IRF8: variants seen among roughly 807,000 people sequenced by gnomAD.
IRF8 encodes the protein interferon consensus sequence binding protein 1.
In IRF8, 14 loss-of-function variants were observed where a neutral mutation model predicts 48.7. The observed-to-expected ratio is 0.29, with a 90% CI of 0.19 to 0.45. The LOEUF is 0.45. Among genes scored for constraint, IRF8 ranks in the 20% least tolerant of loss-of-function variants. The pLI is 1.00. For missense variants in IRF8, 493 were observed against 580.7 expected, an observed-to-expected ratio of 0.85 and a Z score of 1.55; for synonymous variants, 278 against 227.3, an observed-to-expected ratio of 1.22 and a Z score of -2.01.
intron 6 of IRF8, among the ~76,000 whole-genome samples, chr16:85,918,023 G>A (rs1327896216): frequency 6.6e-6 from 1 of 152,198 alleles, no homozygotes; most frequent in Non-Finnish European, 1.5e-5. Context: ...AATGTAGGCA[G>A]CAGACCGCAG....
chr16:85,905,229 G>A (rs11646550), intron 2 of IRF8, among the ~76,000 whole-genome samples: 26,758 of 152,154 alleles, frequency 0.18, 2,697 homozygotes, highest in African/African-American at 0.27. Context: ...ACAGTTGCAG[G>A]TTGGACATCA....
intron 4 of IRF8, among the ~76,000 whole-genome samples, 196 bp downstream of exon 4, chr16:85,911,854 C>A (rs1383698421): frequency 6.6e-6 from 1 of 152,258 alleles, no homozygotes; most frequent in African/African-American, 2.4e-5. Context: ...CTTCTGCCGA[C>A]AGGTCAACCC....
intron 1 of IRF8, chr16:85,900,809 C>G (rs1052148258): frequency 6.6e-6 from 1 of 152,198 alleles, no homozygotes; most frequent in Non-Finnish European, 1.5e-5. Context: ...TGTAAATCAC[C>G]AAGATAGTTG....
intron 1 of IRF8, among the ~76,000 whole-genome samples, chr16:85,900,530 G>C (rs1320512170): frequency 1.3e-5 from 2 of 152,238 alleles, no homozygotes; most frequent in Admixed American, 1.3e-4. Context: ...AGGACACACA[G>C]ACGTGGCTGC....
intron 6 of IRF8, among the ~76,000 whole-genome samples, chr16:85,916,155 G>T (rs371286531): frequency 1.3e-5 from 2 of 152,156 alleles, no homozygotes; most frequent in African/African-American, 2.4e-5. Flanking sequence ...TACCTGTGCC[G>T]AGCACAAATA....
intron 8 of IRF8, 83 bp from the exon 9 acceptor site, chr16:85,921,023 A>G: frequency 7.1e-7 from 1 of 1,406,286 alleles, no homozygotes; most frequent in Admixed American, 2.0e-5. Flanking sequence ...GGGTCATCAG[A>G]GGACCTGGCT....
chr16:85,902,942 A>G (rs1234811255), intron 1 of IRF8, 73 bp from the exon 2 acceptor site: 8 of 1,527,394 alleles, frequency 5.2e-6, no homozygotes, highest in Non-Finnish European at 6.3e-6. Context: ...GTTTCCTGTT[A>G]GCAGTTTTTG....
At chr16:85,902,901 C>T in intron 1 of IRF8, 114 bp from the exon 2 acceptor site, 1 of 1,184,750 alleles carries the variant, frequency 8.4e-7, no homozygotes, top group Non-Finnish European at 1.3e-6. Flanking sequence ...TGGGTTTCCC[C>T]CAAGCCAGCA....
Position 85,903,011 on chromosome 16 carries a change from C to A in IRF8, c.-1-4C>A. 1.2e-6 allele frequency: 2 copies of A among 1,613,992 alleles called. No individual in the cohort carries two copies. Among genetic ancestry groups the A allele is most frequent in the Non-Finnish European group, 1.7e-6 (2 of 1,179,926 alleles). On this transcript the variant is annotated splice_polypyrimidine_tract_variant and splice_region_variant and intron_variant, in intron 1 of 8. Coordinates refer to ENST00000268638, the MANE Select transcript of IRF8 (RefSeq NM_002163.4). ...ATCACAGCGTGTATTTCTGTCTTTC[C>A]AAGGATGTGTGACCGGAATGGTGGT...
At chr16:85,909,244 G>T (rs770902836) in intron 3 of IRF8, 71 bp downstream of exon 3, 2 of 1,314,766 alleles carry the variant, frequency 1.5e-6, no homozygotes, top group South Asian at 1.2e-5. Flanking sequence ...ACAGAACTTG[G>T]GTCTGGGGTA....
At chr16:85,904,923 A>T (rs1341532561) in intron 2 of IRF8, among the ~76,000 whole-genome samples, 1 of 146,814 alleles carries the variant, frequency 6.8e-6, no homozygotes, top group Non-Finnish European at 1.5e-5. Flanking sequence ...ACTCTGCATT[A>T]TAGATAACCC....
chr16:85,910,547 C>T (rs1905113310), intron 3 of IRF8, among the ~76,000 whole-genome samples: 1 of 152,174 alleles, frequency 6.6e-6, no homozygotes, highest in African/African-American at 2.4e-5. Flanking sequence ...CTTTTGGCCC[C>T]TACTGCCACC....
chr16:85,911,601 G>T lies in IRF8; in HGVS notation c.390G>T (p.Val130=). 6.2e-7 allele frequency: 1 copy of T among 1,614,130 alleles called. No individual in the cohort carries two copies. Among genetic ancestry groups the T allele is most frequent in the South Asian group, 1.1e-5 (1 of 91,050 alleles). ...CKLGVATAGC[V]NEVTEMECGR... ...TAGGCGTGGCAACTGCTGGCTGCGT[G>T]AATGAAGTTACAGAGATGGAGTGCG... The change falls in exon 4 of 9, where the codon GTG becomes GTT. Residue 130 remains valine, a synonymous_variant. Coordinates refer to ENST00000268638, the MANE Select transcript of IRF8 (RefSeq NM_002163.4).
chr16:85,911,596 T>C lies in IRF8; in HGVS notation c.385T>C (p.Cys129Arg). ...KCKLGVATAG[C>R]VNEVTEMECG... ...CAAACTAGGCGTGGCAACTGCTGGCTGCGTGAATGAAGTTACAGAGATGGA... is the reference window on the plus strand; with the variant it reads ...CAAACTAGGCGTGGCAACTGCTGGCCGCGTGAATGAAGTTACAGAGATGGA... Residue 129 changes from cysteine (C) to arginine (R), a missense_variant, in exon 4 of 9, where the codon TGC becomes CGC. Physicochemically the swap from Cys to Arg is radical, Grantham distance 180. Transcript: ENST00000268638. 6.2e-7 allele frequency: 1 copy of C among 1,614,160 alleles called. No individual in the cohort carries two copies.
At chr16:85,902,927 T>C in intron 1 of IRF8, 88 bp from the exon 2 acceptor site, 2 of 1,443,692 alleles carry the variant, frequency 1.4e-6, no homozygotes, top group Non-Finnish European at 1.9e-6. Context: ...GCTGCAAACC[T>C]CTGAGTTTCC....
chr16:85,906,346 T>TG (rs957636118), intron 2 of IRF8, among the ~76,000 whole-genome samples: 6 of 151,692 alleles, frequency 4.0e-5, no homozygotes, highest in African/African-American at 1.5e-4. Flanking sequence ...GCGGCAGGGG[T>TG]GGGGGGGCCC....
chr16:85,918,551 G>T lies in IRF8; in HGVS notation c.736G>T (p.Gly246Cys). 6.2e-7 allele frequency: 1 copy of T among 1,603,362 alleles called. No homozygotes were observed. The highest frequency in any genetic ancestry group is 8.5e-7 in the Non-Finnish European group (1 of 1,179,080). ...CGGCACCAAGCTGTATGGGCCCGAG[G>T]GCCTGGAGCTGGTGCGCTTCCCGCC... ...LPGTKLYGPE[G>C]LELVRFPPAD... Residue 246 changes from glycine to cysteine, a missense_variant, in exon 7 of 9, where the codon GGC becomes TGC. By Grantham distance (159) the Gly-to-Cys change is radical. This residue lies in a region of IRF8 where 408 missense variants were observed against 449.6 expected (regional missense o/e 0.91). Coordinates refer to ENST00000268638, the MANE Select transcript of IRF8 (RefSeq NM_002163.4).
chr16:85,906,345 G>T (rs960634819), intron 2 of IRF8, among the ~76,000 whole-genome samples: 14 of 152,186 alleles, frequency 9.2e-5, no homozygotes, highest in Non-Finnish European at 1.6e-4. Flanking sequence ...GGCGGCAGGG[G>T]TGGGGGGGCC....
chr16:85,922,065 C>T lies in IRF8; in HGVS notation c.*783C>T, dbSNP rs1044873. The T allele has an allele frequency of 0.4, 60,436 of 152,172 alleles. 12,308 individuals are homozygous for T. The highest frequency in any genetic ancestry group is 0.45 in the African/African-American group (18,646 of 41,448). 9.4% of individuals were successfully genotyped at this position (152,172 alleles called of 1,614,324 possible). On this transcript the variant is annotated 3_prime_UTR_variant, in exon 9 of 9. Transcript: ENST00000268638. ...ACATGTGTTTGAAATATTTGTACTT[C>T]GAATTGTCGGATTTTCCATGTCCTC...
Sources: allele counts gnomAD v4.1 joint callset (sites outside exome capture counted in the v4.1 genomes callset), GRCh38; gene constraint gnomAD v4.1.1; regional missense constraint gnomAD v4.1.1; transcripts MANE v1.5; gene names NCBI Gene and HGNC (gene_info 2026-07-23, HGNC 2026-07-21).